The following NBEA variants were observed in gnomAD, a reference collection of about 807,000 sequenced individuals.
NBEA encodes neurobeachin, also known as lysosomal-trafficking regulator 2.
Under a neutral mutation model 343.4 loss-of-function variants are expected in NBEA, and 44 were observed. The observed-to-expected ratio is 0.13, with a 90% CI of 0.10 to 0.16. The LOEUF (loss-of-function observed/expected upper bound fraction) is 0.16, where lower values mean the gene tolerates loss of function less well. NBEA is among the 10% of genes least tolerant of loss of function. The probability of loss-of-function intolerance (pLI) is 1.00; values close to 1 mark genes in which losing one functional copy is unlikely to be tolerated. For missense variants in NBEA, 2,555 were observed against 3,631.3 expected (o/e 0.70, Z 7.62); for synonymous variants, 1,175 against 1,238.7 (o/e 0.95, Z 1.08).
Position 35,083,301 on chromosome 13 carries a change from T to G in NBEA, c.1571+12449T>G, listed in dbSNP as rs181148581. ...TATCTCTGTTTTGGTACCAGTACCA[T>G]GCTGTTTTGCTTACTGTAGCCTTGT... On this transcript the variant is annotated intron_variant, in intron 10 of 58. Coordinates refer to ENST00000379939, the MANE Select transcript of NBEA (RefSeq NM_001385012.1). 6.4e-3 allele frequency among the ~76,000 whole-genome samples: 975 copies of G among 152,266 alleles called. 11 individuals carry two copies. Among genetic ancestry groups the G allele is most frequent in the African/African-American group, 0.022 (934 of 41,566 alleles).
rs1443546516 is a variant in NBEA, at chr13:35,183,967, T to C, written c.4832-9T>C. 3 of 1,600,454 alleles carry C rather than the reference T, an allele frequency of 1.9e-6. No homozygotes were observed. Among genetic ancestry groups the C allele is most frequent in the Non-Finnish European group, 1.7e-6 (2 of 1,170,958 alleles). Reference sequence around the variant, plus strand: ...TGGCTCAAATTTGATTCCATGATTTTCTCCACAGTTGTGGTCATACCATCT... The same window carrying C: ...TGGCTCAAATTTGATTCCATGATTTCCTCCACAGTTGTGGTCATACCATCT... On this transcript the variant is annotated splice_polypyrimidine_tract_variant and intron_variant, in intron 29 of 58. Transcript: ENST00000379939.
chr13:35,609,234 T>C (rs1427044887), intron 48 of NBEA, among the ~76,000 whole-genome samples: 1 of 152,246 alleles, frequency 6.6e-6, no homozygotes, highest in East Asian at 1.9e-4. Flanking sequence ...TGACATTTTT[T>C]AGACTTCTAA....
At chr13:35,190,302 T>C (rs192952926) in intron 30 of NBEA, among the ~76,000 whole-genome samples, 53 of 152,258 alleles carry the variant, frequency 3.5e-4, no homozygotes, top group Non-Finnish European at 5.1e-4. Flanking sequence ...CTTAAACAGA[T>C]GTGAGAATGA....
intron 23 of NBEA, among the ~76,000 whole-genome samples, chr13:35,164,079 G>C (rs578160810): frequency 1.7e-4 from 26 of 152,104 alleles, no homozygotes; most frequent in African/African-American, 6.3e-4. Context: ...AGCCAAATTT[G>C]TTGAGTCAGT....
chr13:35,566,505 C>G (rs2080144811), intron 44 of NBEA, among the ~76,000 whole-genome samples: 1 of 152,202 alleles, frequency 6.6e-6, no homozygotes, highest in African/African-American at 2.4e-5. Context: ...GCAATATTAT[C>G]TACATCAGCA....
chr13:35,220,577 A>G (rs752246670), intron 33 of NBEA, among the ~76,000 whole-genome samples: 7 of 152,000 alleles, frequency 4.6e-5, no homozygotes, highest in Non-Finnish European at 7.4e-5. Context: ...TATTTATTTT[A>G]TAGGTTAATT....
At chr13:35,148,009 A>G (rs1390678630) in intron 18 of NBEA, among the ~76,000 whole-genome samples, 4 of 152,194 alleles carry the variant, frequency 2.6e-5, no homozygotes, top group African/African-American at 9.7e-5. Flanking sequence ...TTCTTGGGAC[A>G]ACCAACTGCC....
chr13:34,976,006 C>A (rs1197124535), intron 1 of NBEA, among the ~76,000 whole-genome samples: 1 of 152,132 alleles, frequency 6.6e-6, no homozygotes, highest in Non-Finnish European at 1.5e-5. Context: ...TTGTGGAAAA[C>A]AGTGTCGAGA....
chr13:35,565,568 G>A (rs1738117085), intron 44 of NBEA, among the ~76,000 whole-genome samples: 1 of 152,032 alleles, frequency 6.6e-6, no homozygotes, highest in African/African-American at 2.4e-5. Flanking sequence ...TAGCTGTTTT[G>A]TGTGAATTTT....
In NBEA at chr13:35,171,379, T is replaced by C; in HGVS notation, c.4350T>C (p.Ser1450=). 1.2e-6 allele frequency: 2 copies of C among 1,612,324 alleles called. No homozygotes were observed. The highest frequency in any genetic ancestry group is 8.5e-7 in the Non-Finnish European group (1 of 1,178,674). ...AMVDVLVFAS[S]LNFSEIEAEK... ...TTGATGTACTTGTGTTTGCAAGCTC[T>C]CTAAATTTTAGTGAGATTGAAGCTG... The change falls in exon 26 of 59, where the codon TCT becomes TCC. Residue 1450 remains serine, a synonymous_variant. Coordinates refer to ENST00000379939, the MANE Select transcript of NBEA (RefSeq NM_001385012.1).
chr13:35,410,364 TCAC>T (rs1181841596), intron 38 of NBEA, among the ~76,000 whole-genome samples: 1 of 152,126 alleles, frequency 6.6e-6, no homozygotes, highest in Admixed American at 6.6e-5. Flanking sequence ...TTCAAGAACT[TCAC>T]CAATTAATTT....
chr13:35,379,710 C>CTT (rs35060619), intron 38 of NBEA, among the ~76,000 whole-genome samples: 111 of 145,250 alleles, frequency 7.6e-4, no homozygotes, highest in Middle Eastern at 3.7e-3. Context: ...GTCAGGATTA[C>CTT]TTTTTTTTTT....
At chr13:35,259,483 T>A (rs928830363) in intron 34 of NBEA, among the ~76,000 whole-genome samples, 1 of 152,174 alleles carries the variant, frequency 6.6e-6, no homozygotes, top group Admixed American at 6.5e-5. Context: ...TTTAAAAATA[T>A]TTTACAGACA....
intron 41 of NBEA, among the ~76,000 whole-genome samples, chr13:35,487,652 A>G (rs1297570727): frequency 6.6e-6 from 1 of 151,842 alleles, no homozygotes; most frequent in Non-Finnish European, 1.5e-5. Context: ...CAACAGTTCT[A>G]GTGGTTAGAA....
intron 11 of NBEA, among the ~76,000 whole-genome samples, chr13:35,108,171 G>A (rs1297147596): frequency 5.9e-5 from 9 of 151,930 alleles, no homozygotes; most frequent in Non-Finnish European, 8.8e-5. Flanking sequence ...GAAGAATAGC[G>A]AGGAAAGATG....
intron 38 of NBEA, among the ~76,000 whole-genome samples, chr13:35,421,554 CAT>C (rs1231561515): frequency 6.6e-6 from 1 of 151,974 alleles, no homozygotes; most frequent in African/African-American, 2.4e-5. Flanking sequence ...AACAGTAAAA[CAT>C]AATTTAGAAA....
intron 48 of NBEA, among the ~76,000 whole-genome samples, chr13:35,615,809 G>C (rs187681863): frequency 1.3e-5 from 2 of 152,296 alleles, no homozygotes; most frequent in African/African-American, 4.8e-5. Context: ...CGTAGGGTGA[G>C]CAGAAGATGG....
intron 48 of NBEA, among the ~76,000 whole-genome samples, chr13:35,611,878 A>G (rs2082537218): frequency 6.6e-6 from 1 of 152,230 alleles, no homozygotes; most frequent in Non-Finnish European, 1.5e-5. Flanking sequence ...ACAGTCATAT[A>G]CAAATTTCTA....
intron 41 of NBEA, among the ~76,000 whole-genome samples, chr13:35,549,873 G>C (rs987779661): frequency 6.6e-6 from 1 of 152,186 alleles, no homozygotes; most frequent in Non-Finnish European, 1.5e-5. Context: ...GCCAAATTCA[G>C]CTCATACTTG....
Sources: gnomAD v4.1 joint callset for allele counts (sites outside exome capture counted in the v4.1 genomes callset) on GRCh38, gnomAD v4.1.1 for gene constraint, MANE v1.5 for transcripts, NCBI Gene and HGNC (gene_info 2026-07-23, HGNC 2026-07-21) for gene names.